The following ADGRL1 variants were observed in gnomAD, a reference collection of about 807,000 sequenced individuals.
ADGRL1 encodes the protein adhesion G protein-coupled receptor L1.
ADGRL1 carries 31 observed loss-of-function variants against 148.9 expected under a neutral mutation model. The ratio of observed to expected loss-of-function variants is 0.21; its 90% CI spans 0.16 to 0.28. ADGRL1 has a LOEUF of 0.28. Ranked by LOEUF, ADGRL1 falls within the 10% of genes least tolerant of loss-of-function variation. The pLI, the probability that ADGRL1 is intolerant of heterozygous loss-of-function variation, is 1.00. For synonymous variants in ADGRL1, 937 were observed against 900.3 expected (o/e 1.04, Z -0.73); for missense variants, 1,521 against 2,058.8 (o/e 0.74, Z 5.05).
intron 2 of ADGRL1, 76 bp downstream of exon 2, chr19:14,183,457 G>A: frequency 2.3e-6 from 3 of 1,316,942 alleles, no homozygotes; most frequent in Admixed American, 2.2e-5. Flanking sequence ...TGATCAGGAG[G>A]GTTTTCAACA....
At position 14,150,833 on chromosome 19, in the gene ADGRL1, C is replaced by G. The variant is rs749059053; in HGVS notation, c.*40G>C. 7 of 1,595,820 alleles carry G rather than the reference C, an allele frequency of 4.4e-6. No individual in the cohort carries two copies. The highest frequency in any genetic ancestry group is 6.0e-6 in the Non-Finnish European group (7 of 1,172,820). ...ACCAGAGCCCTGCCCAGGGTTCCCT[C>G]CCTGGCCTGGGCCACCAGCCCCTGG... is the stretch of plus-strand genomic sequence containing the variant. On this transcript the variant is annotated 3_prime_UTR_variant, in exon 23 of 23. Coordinates refer to ENST00000361434, the MANE Select transcript of ADGRL1 (RefSeq NM_014921.5).
Position 14,183,599 on chromosome 19 carries a change from C to T in ADGRL1, c.4G>A (p.Ala2Thr). The T allele has an allele frequency of 6.3e-7, 1 of 1,575,534 alleles. No homozygotes were observed. The highest frequency in any genetic ancestry group is 8.6e-7 in the Non-Finnish European group (1 of 1,160,282). The change falls in exon 2 of 23, where the codon GCC becomes ACC. Residue 2 changes from alanine (A) to threonine (T), a missense_variant. Physicochemically the swap from Ala to Thr is moderately conservative, Grantham distance 58. Coordinates refer to ENST00000361434, the MANE Select transcript of ADGRL1 (RefSeq NM_014921.5). M[A>T]RLAAVLWNLC... ...TTCCAGAGCACTGCGGCTAGGCGGG[C>T]CATGGTGGCAGCCGGGTGCGTGTCC...
Position 14,159,605 on chromosome 19 carries a change from G to A in ADGRL1, c.1840-21C>T, listed in dbSNP as rs1280550126. On this transcript the variant is annotated intron_variant, in intron 9 of 22. Coordinates refer to ENST00000361434, the MANE Select transcript of ADGRL1 (RefSeq NM_014921.5). The surrounding 1 kb of genome is among the most constrained non-coding windows in gnomAD (Gnocchi z 6.0). Reference sequence around the variant, plus strand: ...ACGGCCTGCACAGGCAGAGGGCATGGTGCTGTGAGCCCCCCAACACCCTCT... The same window carrying A: ...ACGGCCTGCACAGGCAGAGGGCATGATGCTGTGAGCCCCCCAACACCCTCT... The A allele has an allele frequency of 1.3e-6, 2 of 1,593,132 alleles. No individual in the cohort carries two copies. The highest frequency in any genetic ancestry group is 1.7e-6 in the Non-Finnish European group (2 of 1,165,594).
chr19:14,179,021 T>A (rs547323841), intron 2 of ADGRL1, among the ~76,000 whole-genome samples: 2 of 150,700 alleles, frequency 1.3e-5, no homozygotes, highest in Middle Eastern at 3.5e-3. Flanking sequence ...CCATCTCTAC[T>A]AAAAATACAA....
rs1463350610 is a variant in ADGRL1, at chr19:14,183,656, G to T, written c.-54C>A. ...CTCAGTGGCCTGTGCGGGGGGCTTT[G>T]CCCCACATCACCTGGCAGGCACCAC... On this transcript the variant is annotated 5_prime_UTR_variant, in exon 2 of 23. Transcript: ENST00000361434. 4.4e-5 allele frequency: 65 copies of T among 1,472,918 alleles called. No individual in the cohort carries two copies. The Admixed American group carries it at 1.3e-3, about 29-fold the overall frequency. 91.2% of individuals were successfully genotyped at this position (1,472,918 alleles called of 1,614,324 possible).
At chr19:14,199,942 C>T (rs1380383991) in intron 1 of ADGRL1, among the ~76,000 whole-genome samples, 1 of 151,668 alleles carries the variant, frequency 6.6e-6, no homozygotes, top group Non-Finnish European at 1.5e-5. Context: ...CCATGTTGGT[C>T]AGGCTGGTCT....
At position 14,157,936 on chromosome 19, in the gene ADGRL1, C is replaced by A; in HGVS notation, c.2481G>T (p.Thr827=). The A allele has an allele frequency of 1.2e-6, 2 of 1,614,214 alleles. No individual in the cohort carries two copies. The highest frequency in any genetic ancestry group is 2.2e-5 in the South Asian group (2 of 91,086). The change falls in exon 13 of 23, where the codon ACG becomes ACT. Residue 827 remains threonine, a synonymous_variant. Transcript: ENST00000361434. The surrounding 1 kb of genome is among the most constrained non-coding windows in gnomAD (Gnocchi z 7.5). ...RLVESNKTHT[T]CACSHLTNFA... ...AGTTGGTGAGGTGGCTGCAGGCACA[C>A]GTGGTATGGGTCTTGTTGGACTCCA...
chr19:14,154,645 T>C (rs554520837), intron 18 of ADGRL1, among the ~76,000 whole-genome samples: 6 of 152,124 alleles, frequency 3.9e-5, no homozygotes, highest in African/African-American at 9.6e-5. Flanking sequence ...TTTGCTCTGT[T>C]GCCCAGACTG....
At chr19:14,180,837 A>C (rs370465300) in intron 2 of ADGRL1, among the ~76,000 whole-genome samples, 1 of 152,288 alleles carries the variant, frequency 6.6e-6, no homozygotes, top group South Asian at 2.1e-4. Context: ...TACAGGAGTG[A>C]GCCAGTGCAC....
chr19:14,156,532 C>T (rs936922403), intron 16 of ADGRL1, 126 bp downstream of exon 16: 5 of 685,574 alleles, frequency 7.3e-6, no homozygotes, highest in Non-Finnish European at 1.2e-5. Context: ...GGCTCAGTTC[C>T]GATGTGTGGA....
Position 14,152,268 on chromosome 19 carries a change from C to T in ADGRL1, c.3649+41G>A, listed in dbSNP as rs749859117. On this transcript the variant is annotated intron_variant, in intron 21 of 22. Transcript: ENST00000361434. The surrounding 1 kb of genome is among the most constrained non-coding windows in gnomAD (Gnocchi z 6.1). ...TGCAGAGGTCCCTTGGGACACAAACCCTCCATTTCCCAACCTGGGATGTTT... is the reference window on the plus strand; with the variant it reads ...TGCAGAGGTCCCTTGGGACACAAACTCTCCATTTCCCAACCTGGGATGTTT... The T allele has an allele frequency of 5.6e-6, 9 of 1,609,106 alleles. No individual in the cohort carries two copies. The South Asian group carries it at 9.9e-5, about 18-fold the overall frequency.
In ADGRL1 at chr19:14,159,968, T is replaced by C. The variant is rs535904145; in HGVS notation, c.1800+144A>G. On this transcript the variant is annotated intron_variant, in intron 8 of 22. Transcript: ENST00000361434. The surrounding 1 kb of genome is among the most constrained non-coding windows in gnomAD (Gnocchi z 6.0). The stretch of plus-strand genomic sequence containing the variant: ...GCACAGGAGTGAGACCCGGCAGTCC[T>C]TGGCGGAGAGGGGGGGGTCCTTCCT... 32 of 1,027,310 alleles carry C rather than the reference T, an allele frequency of 3.1e-5. No homozygotes were observed. In the Middle Eastern group the frequency reaches 8.3e-4, roughly 27 times the overall value. The allele number at this position is 1,027,310 out of a possible 1,614,324, so 63.6% of individuals were successfully genotyped here. A position where few individuals can be genotyped will look rare whatever the true frequency, so the allele number is the denominator to read the frequency against.
intron 1 of ADGRL1, among the ~76,000 whole-genome samples, chr19:14,192,948 G>C (rs193241209): frequency 9.9e-5 from 15 of 152,186 alleles, no homozygotes; most frequent in African/African-American, 2.6e-4. Context: ...ACACACAGTG[G>C]GTCCCCAAGC....
intron 2 of ADGRL1, among the ~76,000 whole-genome samples, 165 bp downstream of exon 2, chr19:14,183,368 T>C (rs1006342230): frequency 6.6e-6 from 1 of 151,918 alleles, no homozygotes; most frequent in African/African-American, 2.4e-5. Context: ...CACTGGGGTG[T>C]GTGTTACCCC....
At chr19:14,201,595 AT>A (rs1230095691) in intron 1 of ADGRL1, among the ~76,000 whole-genome samples, 2 of 151,982 alleles carry the variant, frequency 1.3e-5, no homozygotes, top group South Asian at 2.1e-4. Context: ...TAAAAAAAAA[AT>A]TTTAGAAACG....
rs541477534 is a variant in ADGRL1 at position 14,149,306 on chromosome 19, G to A, written c.*1567C>T. ...CCTGGCTTCGTCTTCCCTGCGGGAA[G>A]GTGGAGGATAGGGAAGGTGATCTCT... is the stretch of plus-strand genomic sequence containing the variant. On this transcript the variant is annotated 3_prime_UTR_variant, in exon 23 of 23. Transcript: ENST00000361434. 1.3e-4 allele frequency: 20 copies of A among 152,476 alleles called. No individual in the cohort carries two copies. Among genetic ancestry groups the A allele is most frequent in the African/African-American group, 4.8e-4 (20 of 41,548 alleles). 9.4% of individuals were successfully genotyped at this position (152,476 alleles called of 1,614,324 possible).
chr19:14,165,449 A>G (rs578216929), intron 4 of ADGRL1, among the ~76,000 whole-genome samples: 5 of 151,846 alleles, frequency 3.3e-5, no homozygotes, highest in South Asian at 4.2e-4. Context: ...GTCAGGGGGG[A>G]AAAATGTGGT....
intron 2 of ADGRL1, among the ~76,000 whole-genome samples, chr19:14,180,305 G>A (rs1186369864): frequency 2.0e-5 from 3 of 152,168 alleles, no homozygotes; most frequent in African/African-American, 7.2e-5. Context: ...ACCCAGGCTG[G>A]AGTGGAATGG....
chr19:14,152,636 A>T lies in ADGRL1; in HGVS notation c.3424-23T>A. The stretch of plus-strand genomic sequence containing the variant: ...GCTCTGGGAACACAACCCAAATGTG[A>T]GGGGATCCTTGGGCCACCCACCCTC... On this transcript the variant is annotated intron_variant, in intron 19 of 22. Coordinates refer to ENST00000361434, the MANE Select transcript of ADGRL1 (RefSeq NM_014921.5). This position sits in a 1 kb window ranked among gnomAD's most constrained non-coding sequence, Gnocchi z 6.1. The T allele has an allele frequency of 1.2e-6, 2 of 1,610,510 alleles. No homozygotes were observed. The highest frequency in any genetic ancestry group is 3.3e-4 in the Middle Eastern group (2 of 6,060).
Sources: allele counts gnomAD v4.1 joint callset (sites outside exome capture counted in the v4.1 genomes callset), GRCh38; gene constraint gnomAD v4.1.1; non-coding constraint Gnocchi (gnomAD v3.1); transcripts MANE v1.5; gene names NCBI Gene and HGNC (gene_info 2026-07-23, HGNC 2026-07-21).